LIMCH1: variants seen among roughly 807,000 people sequenced by gnomAD.
LIMCH1 encodes the protein LIM and calponin homology domains 1.
Under a neutral mutation model 176.5 loss-of-function variants are expected in LIMCH1, and 113 were observed. The observed-to-expected ratio is 0.64, with a 90% CI of 0.55 to 0.75. The LOEUF is 0.75. Among genes scored for constraint, LIMCH1 ranks in the 30% least tolerant of loss-of-function variants. The pLI, the probability that LIMCH1 is intolerant of heterozygous loss-of-function variation, is 0.00. For missense variants in LIMCH1, 1,674 were observed against 1,814.9 expected, an observed-to-expected ratio of 0.92 and a Z score of 1.41; for synonymous variants, 619 against 645.9, an observed-to-expected ratio of 0.96 and a Z score of 0.63.
At chr4:41,653,988 G>A (rs1044803148) in intron 18 of LIMCH1, among the ~76,000 whole-genome samples, 9 of 152,306 alleles carry the variant, frequency 5.9e-5, no homozygotes, top group African/African-American at 7.2e-5. Context: ...AGATGGGCAC[G>A]TGTTAATTGG....
At chr4:41,380,595 T>A (rs923862099) in intron 1 of LIMCH1, among the ~76,000 whole-genome samples, 1 of 152,204 alleles carries the variant, frequency 6.6e-6, no homozygotes, top group South Asian at 2.1e-4. Context: ...AGCTTTTGAT[T>A]TAAAATGATC....
chr4:41,450,020 G>A (rs904827341), intron 1 of LIMCH1, among the ~76,000 whole-genome samples: 1 of 152,162 alleles, frequency 6.6e-6, no homozygotes, highest in African/African-American at 2.4e-5. Flanking sequence ...CCTTATTCCA[G>A]TGTGACCTCA....
At chr4:41,676,291 G>A in intron 22 of LIMCH1, 91 bp from the exon 23 acceptor site, 1 of 903,526 alleles carries the variant, frequency 1.1e-6, no homozygotes, top group Non-Finnish European at 1.7e-6. Context: ...CAATCTGGGT[G>A]CCAGGCCAGA....
intron 1 of LIMCH1, among the ~76,000 whole-genome samples, chr4:41,445,527 T>TG (rs2063197430): frequency 6.6e-6 from 1 of 152,214 alleles, no homozygotes; most frequent in African/African-American, 2.4e-5. Flanking sequence ...TTTTTGGCAA[T>TG]GAAAATTGCA....
At chr4:41,504,638 G>A (rs1347018060) in intron 2 of LIMCH1, among the ~76,000 whole-genome samples, 1 of 152,196 alleles carries the variant, frequency 6.6e-6, no homozygotes. Context: ...GAAATGCAAA[G>A]CCAAGTTTCA....
At chr4:41,615,915 G>C (rs1427310282) in intron 5 of LIMCH1, among the ~76,000 whole-genome samples, 1 of 152,208 alleles carries the variant, frequency 6.6e-6, no homozygotes, top group East Asian at 1.9e-4. Flanking sequence ...GAAGCATCAT[G>C]ATTCTGTGGG....
chr4:41,513,756 G>C (rs573693570), intron 2 of LIMCH1, among the ~76,000 whole-genome samples: 1 of 152,070 alleles, frequency 6.6e-6, no homozygotes, highest in Non-Finnish European at 1.5e-5. Context: ...TGTAATCCCA[G>C]CACTTTGGGA....
chr4:41,501,645 C>T (rs1379622374), intron 2 of LIMCH1, among the ~76,000 whole-genome samples: 1 of 152,002 alleles, frequency 6.6e-6, no homozygotes, highest in East Asian at 1.9e-4. Flanking sequence ...GACAGGCTTC[C>T]TTATATTTTG....
At chr4:41,653,033 C>G (rs1346098000) in intron 18 of LIMCH1, among the ~76,000 whole-genome samples, 1 of 152,124 alleles carries the variant, frequency 6.6e-6, no homozygotes, top group Non-Finnish European at 1.5e-5. Flanking sequence ...GTACTTTAGG[C>G]TTTTGAATCA....
intron 1 of LIMCH1, among the ~76,000 whole-genome samples, chr4:41,582,612 C>T (rs751324771): frequency 9.2e-5 from 14 of 152,138 alleles, no homozygotes; most frequent in Admixed American, 2.6e-4. Context: ...CCATTAAGCA[C>T]GTTACATTAT....
At chr4:41,691,821 G>C (rs977470071) in intron 30 of LIMCH1, among the ~76,000 whole-genome samples, 2 of 152,110 alleles carry the variant, frequency 1.3e-5, no homozygotes, top group Non-Finnish European at 2.9e-5. Context: ...TGATCTGGTA[G>C]AACTTAGCAA....
In LIMCH1 at chr4:41,699,445, A is replaced by C. The variant is rs1033553941; in HGVS notation, c.*2260A>C. 6.6e-6 allele frequency: 1 copy of C among 152,096 alleles called. No individual in the cohort carries two copies. The highest frequency in any genetic ancestry group is 2.4e-5 in the African/African-American group (1 of 41,420). 9.4% of individuals were successfully genotyped at this position (152,096 alleles called of 1,614,324 possible). A position where few individuals can be genotyped will look rare whatever the true frequency, so the allele number is the denominator to read the frequency against. On this transcript the variant is annotated 3_prime_UTR_variant, in exon 32 of 32. Transcript: ENST00000503057. ...TTCTAATTGCCAACTGTTTCTATTTATATTTGATTTATATTTCATTTGGAG... is the reference window on the plus strand; with the variant it reads ...TTCTAATTGCCAACTGTTTCTATTTCTATTTGATTTATATTTCATTTGGAG...
At chr4:41,424,693 G>A (rs904591394) in intron 1 of LIMCH1, among the ~76,000 whole-genome samples, 3 of 152,146 alleles carry the variant, frequency 2.0e-5, no homozygotes, top group African/African-American at 7.2e-5. Context: ...TTTTCACCAA[G>A]CTTGCATACT....
At chr4:41,632,631 G>T in intron 10 of LIMCH1, 118 bp from the exon 11 acceptor site, 1 of 782,884 alleles carries the variant, frequency 1.3e-6, no homozygotes, top group Non-Finnish European at 2.1e-6. Flanking sequence ...ACCAGCCTTT[G>T]GAATGAGAGC....
intron 1 of LIMCH1, among the ~76,000 whole-genome samples, chr4:41,550,097 G>A (rs1232713073): frequency 1.3e-5 from 2 of 151,540 alleles, no homozygotes; most frequent in African/African-American, 4.8e-5. Flanking sequence ...TGTAAGAGAC[G>A]GCAGGCTTCA....
chr4:41,472,907 C>A (rs778077438), intron 1 of LIMCH1: 294 of 500,328 alleles, frequency 5.9e-4, no homozygotes, highest in Non-Finnish European at 7.1e-4. Context: ...ACCCTTCTTT[C>A]CACATCACAT....
intron 1 of LIMCH1, among the ~76,000 whole-genome samples, chr4:41,581,361 A>G (rs1206260337): frequency 1.3e-5 from 2 of 152,200 alleles, no homozygotes; most frequent in African/African-American, 4.8e-5. Context: ...ATACAGTGTT[A>G]TTAACTATAG....
At chr4:41,549,997 T>C (rs147741343) in intron 1 of LIMCH1, among the ~76,000 whole-genome samples, 333 of 151,866 alleles carry the variant, frequency 2.2e-3, no homozygotes, top group African/African-American at 7.6e-3. Context: ...GTTTTTGCCA[T>C]TAAAAATAAT....
chr4:41,413,434 A>T (rs1444704750), intron 1 of LIMCH1, among the ~76,000 whole-genome samples: 1 of 151,478 alleles, frequency 6.6e-6, no homozygotes, highest in East Asian at 1.9e-4. Flanking sequence ...GGCTCAAGCG[A>T]TCCTCCCACT....
Sources: gnomAD v4.1 joint callset for allele counts (sites outside exome capture counted in the v4.1 genomes callset) on GRCh38, gnomAD v4.1.1 for gene constraint, MANE v1.5 for transcripts, NCBI Gene and HGNC (gene_info 2026-07-23, HGNC 2026-07-21) for gene names.